SMAD2: variants seen among roughly 807,000 people sequenced by gnomAD.
SMAD2 encodes MAD homolog 2.
Under a neutral mutation model 64.4 loss-of-function variants are expected in SMAD2, and 8 were observed. That is an observed-to-expected ratio of 0.12 (90% CI 0.07 to 0.22). The LOEUF (loss-of-function observed/expected upper bound fraction) is 0.22. SMAD2 is among the 10% of genes least tolerant of loss of function. SMAD2 has a pLI of 1.00. For missense variants in SMAD2, 289 were observed against 561.2 expected, an observed-to-expected ratio of 0.51 and a Z score of 4.90; for synonymous variants, 203 against 195.8, an observed-to-expected ratio of 1.04 and a Z score of -0.31.
chr18:47,848,230 C>A (rs927366526), intron 8 of SMAD2, among the ~76,000 whole-genome samples: 3 of 152,118 alleles, frequency 2.0e-5, no homozygotes, highest in African/African-American at 7.2e-5. Context: ...CTTATCTTAA[C>A]ACATATTTAT....
rs1207859637 is a variant in SMAD2 at position 47,830,520 on chromosome 18, G to A, written c.*11307C>T. 1 of 147,224 alleles carries A rather than the reference G, an allele frequency of 6.8e-6. No homozygotes were observed. The highest frequency in any genetic ancestry group is 2.5e-5 in the African/African-American group (1 of 39,548). The allele number at this position is 147,224 out of a possible 1,614,324, so 9.1% of individuals were successfully genotyped here. ...TGAACCCAGGAGGCGAGGCTGCAGT[G>A]AGCCGAGATCGCCCCACTGCACCCC... On this transcript the variant is annotated 3_prime_UTR_variant, in exon 11 of 11. Coordinates refer to ENST00000262160, the MANE Select transcript of SMAD2 (RefSeq NM_005901.6).
chr18:47,899,335 C>G (rs1042780317), intron 1 of SMAD2, among the ~76,000 whole-genome samples: 1 of 152,074 alleles, frequency 6.6e-6, no homozygotes, highest in African/African-American at 2.4e-5. Context: ...AGAGATCAAA[C>G]TGTCATGTGG....
chr18:47,928,977 G>T (rs987849411), intron 1 of SMAD2, among the ~76,000 whole-genome samples: 2 of 152,280 alleles, frequency 1.3e-5, no homozygotes, highest in African/African-American at 4.8e-5. Context: ...TTACGGCAAC[G>T]GCTAAGGAAC....
chr18:47,876,546 G>T (rs1393569480), intron 2 of SMAD2, among the ~76,000 whole-genome samples: 2 of 151,978 alleles, frequency 1.3e-5, no homozygotes, highest in Non-Finnish European at 2.9e-5. Flanking sequence ...AGGTGGGGAG[G>T]AGAGGCAAAA....
chr18:47,924,583 T>A (rs1485105059), intron 1 of SMAD2, among the ~76,000 whole-genome samples: 1 of 151,812 alleles, frequency 6.6e-6, no homozygotes. Flanking sequence ...TACCTCAGCC[T>A]CTTGAGCAGC....
At chr18:47,861,357 A>G (rs562161273) in intron 6 of SMAD2, among the ~76,000 whole-genome samples, 11 of 152,278 alleles carry the variant, frequency 7.2e-5, no homozygotes, top group African/African-American at 2.6e-4. Context: ...AACTGTCCTT[A>G]TCAACAGATG....
intron 1 of SMAD2, among the ~76,000 whole-genome samples, chr18:47,926,402 A>G (rs181453600): frequency 1.2e-3 from 190 of 152,312 alleles, no homozygotes; most frequent in Non-Finnish European, 3.2e-4. Flanking sequence ...CAGACATGCT[A>G]GTCAGGCTTT....
At chr18:47,880,685 A>G (rs2032534589) in intron 2 of SMAD2, among the ~76,000 whole-genome samples, 1 of 152,132 alleles carries the variant, frequency 6.6e-6, no homozygotes, top group Admixed American at 6.5e-5. Flanking sequence ...TTTGTATGTT[A>G]GGTAATTTAG....
chr18:47,831,820 C>T lies in SMAD2; in HGVS notation c.*10007G>A, dbSNP rs1026096747. The T allele has an allele frequency of 5.9e-5, 9 of 152,200 alleles. No homozygotes were observed. The highest frequency in any genetic ancestry group is 1.0e-4 in the Non-Finnish European group (7 of 68,042). The allele number at this position is 152,200 out of a possible 1,614,324, so 9.4% of individuals were successfully genotyped here. A position where few individuals can be genotyped will look rare whatever the true frequency, so the allele number is the denominator to read the frequency against. On this transcript the variant is annotated 3_prime_UTR_variant, in exon 11 of 11. Transcript: ENST00000262160. ...AACCAATTCTACAAATATTTCCATA[C>T]CTATTTATTGCAGCAAAAGATAATT...
intron 2 of SMAD2, among the ~76,000 whole-genome samples, chr18:47,896,296 G>A (rs1266863237): frequency 2.0e-5 from 3 of 152,194 alleles, no homozygotes; most frequent in Non-Finnish European, 4.4e-5. Context: ...TGTAGGCAAT[G>A]AAGATAATAA....
rs1484609875 is a variant in SMAD2 at position 47,836,269 on chromosome 18, A to C, written c.*5558T>G. ...CCAGAAGAAGAATTAAAGAGGGAGC[A>C]ATCTAGTATTATCAACAACAACAAA... On this transcript the variant is annotated 3_prime_UTR_variant, in exon 11 of 11. Transcript: ENST00000262160. 1 of 223,914 alleles carries C rather than the reference A, an allele frequency of 4.5e-6. No homozygotes were observed. Among genetic ancestry groups the C allele is most frequent in the South Asian group, 1.8e-4 (1 of 5,428 alleles). 13.9% of individuals were successfully genotyped at this position (223,914 alleles called of 1,614,324 possible). A position where few individuals can be genotyped will look rare whatever the true frequency, so the allele number is the denominator to read the frequency against.
Position 47,809,411 on chromosome 18 carries a change from G to A in SMAD2, c.*32416C>T, listed in dbSNP as rs1912130236. 1.3e-5 allele frequency: 2 copies of A among 152,396 alleles called. No homozygotes were observed. Among genetic ancestry groups the A allele is most frequent in the Admixed American group, 6.5e-5 (1 of 15,288 alleles). The allele number at this position is 152,396 out of a possible 1,614,324, so 9.4% of individuals were successfully genotyped here. On this transcript the variant is annotated 3_prime_UTR_variant, in exon 11 of 11. Transcript: ENST00000262160. ...TCCAATCTGGAACTGGAACCAGGTA[G>A]AGATAAGGATAACCTGTGGGGGAAT... is the stretch of plus-strand genomic sequence containing the variant.
chr18:47,910,776 T>C (rs1348194740), intron 1 of SMAD2, among the ~76,000 whole-genome samples: 1 of 152,196 alleles, frequency 6.6e-6, no homozygotes, highest in Non-Finnish European at 1.5e-5. Flanking sequence ...TTATCATGCA[T>C]GTGACATGCA....
chr18:47,867,319 T>C (rs886440784), intron 5 of SMAD2: 1 of 152,152 alleles, frequency 6.6e-6, no homozygotes, highest in African/African-American at 2.4e-5. Context: ...AAAAAAAAAC[T>C]TATCTTTCTT....
rs572703138 is a variant in SMAD2 at position 47,838,775 on chromosome 18, C to T, written c.*3052G>A. 4.3e-6 allele frequency: 1 copy of T among 232,548 alleles called. No individual in the cohort carries two copies. Among genetic ancestry groups the T allele is most frequent in the Non-Finnish European group, 8.5e-6 (1 of 117,668 alleles). The allele number at this position is 232,548 out of a possible 1,614,324, so 14.4% of individuals were successfully genotyped here. A position where few individuals can be genotyped will look rare whatever the true frequency, so the allele number is the denominator to read the frequency against. ...CTAAGTCAGTGAGAACTCCAACAGCCTCCCCTAAGCCAGCCCCCAAGGTGT... is the reference window on the plus strand; with the variant it reads ...CTAAGTCAGTGAGAACTCCAACAGCTTCCCCTAAGCCAGCCCCCAAGGTGT... On this transcript the variant is annotated 3_prime_UTR_variant, in exon 11 of 11. Transcript: ENST00000262160.
intron 5 of SMAD2, chr18:47,867,408 A>T (rs114345809): frequency 2.8e-4 from 42 of 152,260 alleles, no homozygotes; most frequent in African/African-American, 8.9e-4. Flanking sequence ...TGATGGATAC[A>T]TGAAAGAAAT....
At position 47,868,343 on chromosome 18, in the gene SMAD2, G is replaced by A. The variant is rs2144372831; in HGVS notation, c.635C>T (p.Pro212Leu). 6.2e-7 allele frequency: 1 copy of A among 1,612,816 alleles called. No homozygotes were observed. The highest frequency in any genetic ancestry group is 8.5e-7 in the Non-Finnish European group (1 of 1,179,160). The change falls in exon 5 of 11, where the codon CCA becomes CTA. Residue 212 changes from proline (P) to leucine (L), a missense_variant. Physicochemically the swap from Pro to Leu is moderately conservative, Grantham distance 98 (BLOSUM62 -3). This residue lies in a region of SMAD2 where 119 missense variants were observed against 156.7 expected (regional missense o/e 0.76). Coordinates refer to ENST00000262160, the MANE Select transcript of SMAD2 (RefSeq NM_005901.6). ...ENTNFPAGIE[P>L]QSNYIPETPP... Reference sequence around the variant, plus strand: ...AATACCTGGAATATAATTACTCTGTGGCTCAATTCCTGCTGGGAAGTTAGT... The same window carrying A: ...AATACCTGGAATATAATTACTCTGTAGCTCAATTCCTGCTGGGAAGTTAGT...
intron 1 of SMAD2, among the ~76,000 whole-genome samples, chr18:47,899,660 G>C (rs2033602398): frequency 6.6e-6 from 1 of 152,156 alleles, no homozygotes; most frequent in Admixed American, 6.5e-5. Context: ...TAAAGGCTGA[G>C]CTCTTTATAC....
chr18:47,851,869 C>T (rs868484965), intron 6 of SMAD2, among the ~76,000 whole-genome samples: 1 of 152,148 alleles, frequency 6.6e-6, no homozygotes, highest in Non-Finnish European at 1.5e-5. Flanking sequence ...CCGTTTTGCA[C>T]GCTTCCAATC....
Sources: allele counts gnomAD v4.1 joint callset (sites outside exome capture counted in the v4.1 genomes callset), GRCh38; gene constraint gnomAD v4.1.1; regional missense constraint gnomAD v4.1.1; transcripts MANE v1.5; gene names NCBI Gene and HGNC (gene_info 2026-07-23, HGNC 2026-07-21).